Variants in MYLK observed in about 807,000 individuals in gnomAD.
The protein encoded by MYLK is myosin light chain kinase.
Under a neutral mutation model 203.4 loss-of-function variants are expected in MYLK, and 106 were observed. That is an observed-to-expected ratio of 0.52 (90% CI 0.45 to 0.61). The LOEUF (loss-of-function observed/expected upper bound fraction) is 0.61. Among genes scored for constraint, MYLK ranks in the 20% least tolerant of loss-of-function variants. The pLI is 0.00. For synonymous variants in MYLK, 867 were observed against 959.5 expected (o/e 0.90, Z 1.78); for missense variants, 2,072 against 2,442.3 (o/e 0.85, Z 3.20).
chr3:123,660,921 T>A (rs1384981032), intron 23 of MYLK, among the ~76,000 whole-genome samples: 1 of 152,246 alleles, frequency 6.6e-6, no homozygotes. Context: ...TAATTCTAAG[T>A]GTACAGGCTC....
chr3:123,630,967 T>C (rs2058393244), intron 29 of MYLK: 1 of 152,222 alleles, frequency 6.6e-6, no homozygotes, highest in Non-Finnish European at 1.5e-5. Context: ...GTCCCACCCT[T>C]AGACAGGCCC....
intron 5 of MYLK, among the ~76,000 whole-genome samples, chr3:123,747,490 G>C (rs752375123): frequency 6.6e-6 from 1 of 152,156 alleles, no homozygotes; most frequent in Non-Finnish European, 1.5e-5. Flanking sequence ...GCAGCCCTCC[G>C]GGTGATTCTG....
intron 2 of MYLK, among the ~76,000 whole-genome samples, chr3:123,843,227 T>C (rs2066635448): frequency 6.6e-6 from 1 of 152,150 alleles, no homozygotes; most frequent in Non-Finnish European, 1.5e-5. Context: ...ATGTCAAAAA[T>C]ACTGGAAACA....
At chr3:123,850,293 A>AT (rs1289681744) in intron 2 of MYLK, among the ~76,000 whole-genome samples, 1 of 152,102 alleles carries the variant, frequency 6.6e-6, no homozygotes. Flanking sequence ...AGTATTTCTA[A>AT]TTCTAGATCC....
intron 4 of MYLK, among the ~76,000 whole-genome samples, chr3:123,772,151 T>C (rs2063904245): frequency 6.6e-6 from 1 of 152,150 alleles, no homozygotes; most frequent in Non-Finnish European, 1.5e-5. Flanking sequence ...CTAAACAACA[T>C]ACGAGAAGTC....
Position 123,640,525 on chromosome 3 carries a change from G to C in MYLK, c.4620-21C>G, listed in dbSNP as rs781708562. 1 of 1,613,090 alleles carries C rather than the reference G, an allele frequency of 6.2e-7. No individual in the cohort carries two copies. The highest frequency in any genetic ancestry group is 1.1e-5 in the South Asian group (1 of 91,034). On this transcript the variant is annotated intron_variant, in intron 27 of 33. Coordinates refer to ENST00000360304, the MANE Select transcript of MYLK (RefSeq NM_053025.4). This position sits in a 1 kb window ranked among gnomAD's most constrained non-coding sequence, Gnocchi z 4.3. Reference sequence around the variant, plus strand: ...ACACGCTGCGGGAACACGTGCACGGGGTGGTCAGGCCACAGGCTCATGGAG... The same window carrying C: ...ACACGCTGCGGGAACACGTGCACGGCGTGGTCAGGCCACAGGCTCATGGAG...
At chr3:123,860,399 A>C (rs1375918155) in intron 2 of MYLK, among the ~76,000 whole-genome samples, 2 of 152,196 alleles carry the variant, frequency 1.3e-5, no homozygotes, top group African/African-American at 4.8e-5. Context: ...ATGCTGAAAG[A>C]GACTTTTTGG....
At position 123,700,904 on chromosome 3, in the gene MYLK, G is replaced by A. The variant is rs886057863; in HGVS notation, c.2564C>T (p.Ala855Val). The part of the protein sequence containing the change: ...RYGSLRPGWP[A>V]RGQGWLEEED... ...CTCCTCTAGCCAACCCTGCCCTCTT[G>A]CTGGCCAGCCAGGCCTCAGGGACCC... The change falls in exon 18 of 34, where the codon GCA becomes GTA. Residue 855 changes from alanine (A) to valine (V), a missense_variant. Ala to Val is a moderately conservative substitution (Grantham distance 64). Around this residue, in one of 3 missense-constraint regions of MYLK, gnomAD observed 865 missense variants for 1,016.0 expected, o/e 0.85. Coordinates refer to ENST00000360304, the MANE Select transcript of MYLK (RefSeq NM_053025.4). 32 of 1,612,290 alleles carry A rather than the reference G, an allele frequency of 2.0e-5. No homozygotes were observed. In the South Asian group the frequency reaches 3.4e-4, roughly 17 times the overall value.
chr3:123,847,497 C>T (rs1057021169), intron 2 of MYLK, among the ~76,000 whole-genome samples: 8 of 152,000 alleles, frequency 5.3e-5, no homozygotes, highest in African/African-American at 1.4e-4. Flanking sequence ...TTATTGAAAG[C>T]GAGCCTGATG....
intron 15 of MYLK, 96 bp downstream of exon 15, chr3:123,708,602 C>T (rs1051038388): frequency 3.5e-6 from 5 of 1,443,438 alleles, no homozygotes. Context: ...TCAGTGGGAA[C>T]AAAGTAGCCT....
chr3:123,675,855 C>T (rs2060056479), intron 20 of MYLK, among the ~76,000 whole-genome samples: 1 of 152,202 alleles, frequency 6.6e-6, no homozygotes, highest in Non-Finnish European at 1.5e-5. Context: ...ACCTGACCCA[C>T]TCCCCTACTG....
Position 123,733,955 on chromosome 3 carries a change from C to T in MYLK, c.1041G>A (p.Leu347=). The T allele has an allele frequency of 1.9e-6, 3 of 1,614,206 alleles. No homozygotes were observed. Among genetic ancestry groups the T allele is most frequent in the Non-Finnish European group, 2.5e-6 (3 of 1,180,036 alleles). ...VLQKTSSSIT[L]QAARVQPEPR... ...GTTCCGGCTGAACTCTTGCGGCCTGCAGGGTGATGGAGCTGGAAGTCTTCT... is the reference window on the plus strand; with the variant it reads ...GTTCCGGCTGAACTCTTGCGGCCTGTAGGGTGATGGAGCTGGAAGTCTTCT... Residue 347 remains leucine, a synonymous_variant, in exon 10 of 34, where the codon CTG becomes CTA. Coordinates refer to ENST00000360304, the MANE Select transcript of MYLK (RefSeq NM_053025.4).
At chr3:123,860,736 A>G (rs1014348866) in intron 2 of MYLK, among the ~76,000 whole-genome samples, 2 of 152,182 alleles carry the variant, frequency 1.3e-5, no homozygotes, top group African/African-American at 4.8e-5. Flanking sequence ...GTCAATAAAC[A>G]CAGTAGTTCT....
intron 20 of MYLK, among the ~76,000 whole-genome samples, chr3:123,675,248 T>TA (rs1041685050): frequency 2.0e-5 from 3 of 152,102 alleles, no homozygotes; most frequent in African/African-American, 4.8e-5. Context: ...AATAGCCCAA[T>TA]AAAAACATGA....
intron 22 of MYLK, among the ~76,000 whole-genome samples, chr3:123,665,965 G>A (rs2059719917): frequency 6.6e-6 from 1 of 152,174 alleles, no homozygotes; most frequent in Non-Finnish European, 1.5e-5. Flanking sequence ...GACATGGATG[G>A]TTTCTACTTT....
chr3:123,708,322 G>A (rs1465254275), intron 15 of MYLK, among the ~76,000 whole-genome samples: 2 of 152,228 alleles, frequency 1.3e-5, no homozygotes, highest in Non-Finnish European at 2.9e-5. Context: ...CTCACTTTAT[G>A]TGTGCTTAAC....
intron 4 of MYLK, among the ~76,000 whole-genome samples, chr3:123,792,274 T>C (rs1282299903): frequency 1.3e-5 from 2 of 152,250 alleles, no homozygotes; most frequent in African/African-American, 4.8e-5. Flanking sequence ...TTAAGATCCA[T>C]TTTGCTGTCT....
At chr3:123,881,642 C>A (rs1053522413) in intron 1 of MYLK, among the ~76,000 whole-genome samples, 4 of 152,076 alleles carry the variant, frequency 2.6e-5, no homozygotes, top group Admixed American at 1.3e-4. Context: ...ATTCTGAAAC[C>A]CCCACCCCAC....
intron 20 of MYLK, among the ~76,000 whole-genome samples, chr3:123,670,743 GA>G (rs1553790092): frequency 6.6e-6 from 1 of 151,776 alleles, no homozygotes; most frequent in East Asian, 1.9e-4. Context: ...CCTTATCTCA[GA>G]AAAAAAAGAA....
Sources: allele counts gnomAD v4.1 joint callset (sites outside exome capture counted in the v4.1 genomes callset), GRCh38; gene constraint gnomAD v4.1.1; regional missense constraint gnomAD v4.1.1; non-coding constraint Gnocchi (gnomAD v3.1); transcripts MANE v1.5; gene names NCBI Gene and HGNC (gene_info 2026-07-23, HGNC 2026-07-21).